ADD3: variants seen among roughly 807,000 people sequenced by gnomAD.
ADD3 encodes the protein gamma-adducin.
A neutral mutation model predicts 80.2 loss-of-function variants in ADD3; 25 were observed. The ratio of observed to expected loss-of-function variants is 0.31; its 90% CI spans 0.23 to 0.44. The LOEUF (loss-of-function observed/expected upper bound fraction) is 0.44, where lower values mean the gene tolerates loss of function less well. Among genes scored for constraint, ADD3 ranks in the 20% least tolerant of loss-of-function variants. The probability of loss-of-function intolerance (pLI) is 1.00; values close to 1 mark genes in which losing one functional copy is unlikely to be tolerated. For synonymous variants in ADD3, 284 were observed against 289.6 expected (o/e 0.98, Z 0.20); for missense variants, 829 against 847.5 (o/e 0.98, Z 0.27).
chr10:110,015,595 C>G (rs1039233489), intron 1 of ADD3, among the ~76,000 whole-genome samples: 3 of 151,884 alleles, frequency 2.0e-5, no homozygotes, highest in Non-Finnish European at 4.4e-5. Context: ...CGGATGGTCT[C>G]GATCTCCTGA....
At chr10:110,031,826 A>G (rs977089791) in intron 1 of ADD3, among the ~76,000 whole-genome samples, 4 of 152,166 alleles carry the variant, frequency 2.6e-5, no homozygotes, top group Admixed American at 6.5e-5. Context: ...GAATACGTAT[A>G]CATTTAGAAC....
At chr10:110,090,481 A>G (rs1262578416) in intron 1 of ADD3, among the ~76,000 whole-genome samples, 1 of 152,120 alleles carries the variant, frequency 6.6e-6, no homozygotes, top group Admixed American at 6.5e-5. Flanking sequence ...TTGGCCTTCC[A>G]AAGTGCTGGG....
intron 2 of ADD3, among the ~76,000 whole-genome samples, chr10:110,107,406 GAGAAGTGCA>G (rs1849511126): frequency 6.6e-6 from 1 of 152,110 alleles, no homozygotes; most frequent in African/African-American, 2.4e-5. Flanking sequence ...AGCAGGGCTA[GAGAAGTGCA>G]AGTTGTGATC....
chr10:110,010,248 C>T (rs1362002703), intron 1 of ADD3, among the ~76,000 whole-genome samples: 2 of 152,176 alleles, frequency 1.3e-5, no homozygotes, highest in East Asian at 3.8e-4. Context: ...TGAAGTAGGC[C>T]TATCATGTCT....
At chr10:110,082,046 G>A (rs1394116005) in intron 1 of ADD3, among the ~76,000 whole-genome samples, 1 of 152,220 alleles carries the variant, frequency 6.6e-6, no homozygotes, top group South Asian at 2.1e-4. Context: ...AGGCACTGCT[G>A]TTTCTGCTTT....
rs1342577615 is a variant in ADD3, at chr10:110,133,316, C to T, written c.1829-10C>T. The T allele has an allele frequency of 8.9e-6, 14 of 1,564,694 alleles. No homozygotes were observed. Among genetic ancestry groups the T allele is most frequent in the Admixed American group, 1.8e-5 (1 of 54,410 alleles). Reference sequence around the variant, plus strand: ...TAAAATAACCCCCAAAAAACCCTCCCCTTTCGTAGAAAACCATGAGCTGTT... The same window carrying T: ...TAAAATAACCCCCAAAAAACCCTCCTCTTTCGTAGAAAACCATGAGCTGTT... On this transcript the variant is annotated splice_polypyrimidine_tract_variant and intron_variant, in intron 14 of 14. Transcript: ENST00000356080.
chr10:110,124,426 T>C (rs760350374), intron 10 of ADD3, 152 bp downstream of exon 10: 187 of 881,508 alleles, frequency 2.1e-4, no homozygotes, highest in Non-Finnish European at 2.8e-4. Context: ...CAAGACACTC[T>C]TCTAAGTGCC....
At chr10:110,075,586 GT>G (rs1845297199) in intron 1 of ADD3, 1 of 152,194 alleles carries the variant, frequency 6.6e-6, no homozygotes, top group African/African-American at 2.4e-5. Flanking sequence ...TATATTGGCT[GT>G]GTTTTTCTTC....
intron 1 of ADD3, among the ~76,000 whole-genome samples, chr10:110,063,657 T>A (rs1391468726): frequency 1.4e-5 from 2 of 147,428 alleles, no homozygotes; most frequent in Non-Finnish European, 3.0e-5. Flanking sequence ...GATAAACTTT[T>A]AAATGCAAGT....
At chr10:110,020,566 G>T (rs1446178391) in intron 1 of ADD3, among the ~76,000 whole-genome samples, 1 of 152,128 alleles carries the variant, frequency 6.6e-6, no homozygotes, top group Non-Finnish European at 1.5e-5. Context: ...AGAACGTGGT[G>T]GGGATAATGG....
intron 1 of ADD3, among the ~76,000 whole-genome samples, chr10:110,064,637 C>G (rs537847137): frequency 1.3e-5 from 2 of 152,054 alleles, no homozygotes; most frequent in African/African-American, 4.8e-5. Context: ...TCTGGATTAT[C>G]TTTTTTCAGA....
intron 1 of ADD3, among the ~76,000 whole-genome samples, chr10:110,068,903 C>T (rs1352733194): frequency 6.6e-6 from 1 of 151,920 alleles, no homozygotes; most frequent in Non-Finnish European, 1.5e-5. Context: ...GTGGTGAGAC[C>T]TCGTCTCTGC....
chr10:110,040,559 G>C (rs1349119280), intron 1 of ADD3, among the ~76,000 whole-genome samples: 2 of 152,174 alleles, frequency 1.3e-5, no homozygotes, highest in Non-Finnish European at 2.9e-5. Flanking sequence ...ATGCCGTGGA[G>C]ACATATACAT....
intron 12 of ADD3, among the ~76,000 whole-genome samples, chr10:110,130,107 A>G (rs986612354): frequency 6.6e-6 from 1 of 152,166 alleles, no homozygotes; most frequent in African/African-American, 2.4e-5. Context: ...GTTTTTAAAA[A>G]TTATTAAGAT....
intron 6 of ADD3, 63 bp downstream of exon 6, chr10:110,118,799 T>C: frequency 7.4e-6 from 11 of 1,492,912 alleles, no homozygotes; most frequent in Non-Finnish European, 9.2e-6. Context: ...TGTGGCTTTC[T>C]CAACAGGATG....
intron 12 of ADD3, 95 bp downstream of exon 12, chr10:110,126,598 A>G: frequency 1.1e-6 from 1 of 902,736 alleles, no homozygotes; most frequent in Non-Finnish European, 1.7e-6. Context: ...TAAGGTTAAT[A>G]TAAGCACAAG....
upstream of ADD3, among the ~76,000 whole-genome samples, chr10:110,003,008 C>A (rs1471889719): frequency 1.3e-5 from 2 of 152,212 alleles, no homozygotes; most frequent in African/African-American, 4.8e-5. Flanking sequence ...ACTTTCCAGA[C>A]TGGCTTGGCA....
intron 1 of ADD3, among the ~76,000 whole-genome samples, chr10:110,028,714 C>G (rs2133164645): frequency 6.6e-6 from 1 of 152,280 alleles, no homozygotes; most frequent in South Asian, 2.1e-4. Context: ...TAGAATCATT[C>G]ATACTCTGCA....
At chr10:110,076,992 C>T (rs965312002) in intron 1 of ADD3, 26 of 152,194 alleles carry the variant, frequency 1.7e-4, no homozygotes, top group African/African-American at 5.5e-4. Flanking sequence ...TGAGCTCCAC[C>T]CTTGCTCTAA....
Sources: gnomAD v4.1 joint callset for allele counts (sites outside exome capture counted in the v4.1 genomes callset) on GRCh38, gnomAD v4.1.1 for gene constraint, MANE v1.5 for transcripts, NCBI Gene and HGNC (gene_info 2026-07-23, HGNC 2026-07-21) for gene names.